OPCML: variants seen among roughly 807,000 people sequenced by gnomAD.
OPCML encodes opioid binding protein/cell adhesion molecule like, also known as opioid-binding protein/cell adhesion molecule.
A neutral mutation model predicts 37.8 loss-of-function variants in OPCML; 13 were observed. The observed-to-expected ratio is 0.34, with a 90% CI of 0.22 to 0.55. OPCML has a LOEUF of 0.55. Ranked by LOEUF, OPCML falls within the 20% of genes least tolerant of loss-of-function variation. The pLI is 0.91. For synonymous variants in OPCML, 176 were observed against 168.8 expected, an observed-to-expected ratio of 1.04 and a Z score of -0.33; for missense variants, 341 against 435.6, an observed-to-expected ratio of 0.78 and a Z score of 1.93.
At chr11:133,529,029 T>TG (rs756274778) in intron 1 of OPCML, among the ~76,000 whole-genome samples, 13 of 152,208 alleles carry the variant, frequency 8.5e-5, no homozygotes, top group Non-Finnish European at 1.5e-4. Context: ...AACATCTTCT[T>TG]GCCCTTACTC....
In OPCML at chr11:133,321,276, C is replaced by G. The variant is rs540322580; in HGVS notation, c.61+210988G>C. Among the ~76,000 whole-genome samples, 8 of 152,292 alleles carry G rather than the reference C, an allele frequency of 5.3e-5. No individual in the cohort carries two copies. The East Asian group carries it at 1.5e-3, about 29-fold the overall frequency. On this transcript the variant is annotated intron_variant, in intron 1 of 7. Coordinates refer to ENST00000524381, the MANE Select transcript of OPCML (RefSeq NM_001012393.5). Reference sequence around the variant, plus strand: ...GGACAGAGTAAGATTCTGCAAGCTCCTGCTGCCATCAGAAGCTCCGTAAGT... The same window carrying G: ...GGACAGAGTAAGATTCTGCAAGCTCGTGCTGCCATCAGAAGCTCCGTAAGT...
chr11:132,456,173 T>A (rs2096082234), intron 4 of OPCML, among the ~76,000 whole-genome samples: 2 of 152,208 alleles, frequency 1.3e-5, no homozygotes, highest in South Asian at 4.1e-4. Context: ...ACCTTTGGCA[T>A]TTTATGAACT....
intron 1 of OPCML, among the ~76,000 whole-genome samples, chr11:133,061,190 G>C (rs1948335193): frequency 6.6e-6 from 1 of 152,172 alleles, no homozygotes; most frequent in South Asian, 2.1e-4. Flanking sequence ...GTTTGAAGCT[G>C]ATCATTTTGG....
At chr11:133,380,734 C>T (rs1019423308) in intron 1 of OPCML, among the ~76,000 whole-genome samples, 5 of 152,122 alleles carry the variant, frequency 3.3e-5, no homozygotes, top group South Asian at 4.2e-4. Flanking sequence ...CTGCCAGTTT[C>T]GTTTTTTATT....
chr11:133,212,786 G>C lies in OPCML; in HGVS notation c.62-269776C>G, dbSNP rs1228030434. Among the ~76,000 whole-genome samples the C allele has an allele frequency of 6.6e-6, 1 of 152,138 alleles. No individual in the cohort carries two copies. The highest frequency in any genetic ancestry group is 2.4e-5 in the African/African-American group (1 of 41,430). On this transcript the variant is annotated intron_variant, in intron 1 of 7. Coordinates refer to ENST00000524381, the MANE Select transcript of OPCML (RefSeq NM_001012393.5). The surrounding 1 kb of genome is among the most constrained non-coding windows in gnomAD (Gnocchi z 4.9). ...TCCCAGCAGCTTTCAGACCCCTTGGGACCCAACCTGGCCCCCTAGCTGTTG... is the reference window on the plus strand; with the variant it reads ...TCCCAGCAGCTTTCAGACCCCTTGGCACCCAACCTGGCCCCCTAGCTGTTG...
intron 1 of OPCML, among the ~76,000 whole-genome samples, chr11:133,496,171 TTA>T (rs1281591814): frequency 1.3e-5 from 2 of 152,166 alleles, no homozygotes; most frequent in African/African-American, 4.8e-5. Context: ...TTTTCCCACT[TTA>T]TGTTTTTGTT....
intron 2 of OPCML, among the ~76,000 whole-genome samples, chr11:132,782,868 TTATATATAAATAAC>T (rs1255549493): frequency 1.4e-5 from 2 of 142,394 alleles, no homozygotes; most frequent in Middle Eastern, 3.8e-3. Context: ...ACATATATAA[TTATATATAAATAAC>T]TATATATAAA....
intron 2 of OPCML, among the ~76,000 whole-genome samples, chr11:132,824,166 C>T (rs993208086): frequency 6.6e-6 from 1 of 152,182 alleles, no homozygotes; most frequent in Non-Finnish European, 1.5e-5. Flanking sequence ...ATCTTGTGTT[C>T]TGAACCATCA....
At chr11:133,475,220 T>G (rs1270716935) in intron 1 of OPCML, among the ~76,000 whole-genome samples, 1 of 126,798 alleles carries the variant, frequency 7.9e-6, no homozygotes, top group East Asian at 2.0e-4. Context: ...GGTTTTTTTT[T>G]GTTGTTTTTT....
chr11:132,577,048 C>T (rs1193954462), intron 3 of OPCML, among the ~76,000 whole-genome samples: 1 of 152,160 alleles, frequency 6.6e-6, no homozygotes, highest in Non-Finnish European at 1.5e-5. Context: ...GTTGTAAGGC[C>T]CTGTGTCAGG....
intron 4 of OPCML, among the ~76,000 whole-genome samples, chr11:132,512,229 C>T (rs1308786317): frequency 1.3e-5 from 2 of 151,980 alleles, no homozygotes; most frequent in Non-Finnish European, 2.9e-5. Context: ...CAATGACAAG[C>T]CTGTGGAACA....
intron 2 of OPCML, among the ~76,000 whole-genome samples, chr11:132,887,247 A>G (rs540093400): frequency 1.3e-5 from 2 of 152,354 alleles, no homozygotes; most frequent in Non-Finnish European, 2.9e-5. Flanking sequence ...GCCTAGGAGC[A>G]GTCGGCTCCA....
At chr11:132,476,981 A>T (rs1041867714) in intron 4 of OPCML, among the ~76,000 whole-genome samples, 1 of 152,168 alleles carries the variant, frequency 6.6e-6, no homozygotes, top group Non-Finnish European at 1.5e-5. Context: ...CTGAGTATCC[A>T]TTATGCTGAA....
At chr11:132,463,145 C>G (rs2096108423) in intron 4 of OPCML, among the ~76,000 whole-genome samples, 1 of 152,216 alleles carries the variant, frequency 6.6e-6, no homozygotes, top group African/African-American at 2.4e-5. Context: ...TAAATACAAT[C>G]TTCCAGTTTC....
At chr11:132,624,489 C>T (rs930263567) in intron 3 of OPCML, among the ~76,000 whole-genome samples, 4 of 152,126 alleles carry the variant, frequency 2.6e-5, no homozygotes, top group Non-Finnish European at 2.9e-5. Context: ...ATGCCTCTAC[C>T]GACTCCTTCC....
intron 1 of OPCML, among the ~76,000 whole-genome samples, chr11:133,399,757 A>C (rs976707776): frequency 1.3e-5 from 2 of 152,048 alleles, no homozygotes; most frequent in Non-Finnish European, 2.9e-5. Flanking sequence ...ACACAGCCTC[A>C]TGCTACCAGA....
At chr11:132,928,042 G>T (rs969446500) in intron 2 of OPCML, among the ~76,000 whole-genome samples, 2 of 151,962 alleles carry the variant, frequency 1.3e-5, no homozygotes, top group African/African-American at 4.8e-5. Context: ...AACGAAGGCA[G>T]TAAAGGAGGA....
At chr11:133,138,943 C>G (rs1262867394) in intron 1 of OPCML, among the ~76,000 whole-genome samples, 2 of 152,292 alleles carry the variant, frequency 1.3e-5, no homozygotes, top group East Asian at 3.9e-4. Flanking sequence ...CATGAACCTC[C>G]TACCCAGCTG....
chr11:133,067,267 G>A (rs1948455769), intron 1 of OPCML: 1 of 152,170 alleles, frequency 6.6e-6, no homozygotes, highest in African/African-American at 2.4e-5. Context: ...TTTGCTCGGA[G>A]ATCTGCAGTG....
Sources: gnomAD v4.1 joint callset for allele counts (sites outside exome capture counted in the v4.1 genomes callset) on GRCh38, gnomAD v4.1.1 for gene constraint, Gnocchi (gnomAD v3.1) non-coding constraint, MANE v1.5 for transcripts, NCBI Gene and HGNC (gene_info 2026-07-23, HGNC 2026-07-21) for gene names.